FCRL5: variants seen among roughly 807,000 people sequenced by gnomAD.
FCRL5 encodes the protein Fc receptor like 5, also known as Fc receptor-like protein 5.
FCRL5 carries 79 observed loss-of-function variants against 92.1 expected under a neutral mutation model. The ratio of observed to expected loss-of-function variants is 0.86; its 90% CI spans 0.72 to 1.03. The LOEUF (loss-of-function observed/expected upper bound fraction) is 1.03. Among genes scored for constraint, FCRL5 ranks in the 50% least tolerant of loss-of-function variants. The pLI is 0.00. For synonymous variants in FCRL5, 466 were observed against 469.3 expected (o/e 0.99, Z 0.09); for missense variants, 1,160 against 1,181.1 (o/e 0.98, Z 0.26).
chr1:157,549,229 G>A (rs542845294), intron 2 of FCRL5, among the ~76,000 whole-genome samples: 1 of 139,928 alleles, frequency 7.1e-6, no homozygotes, highest in African/African-American at 2.7e-5. Flanking sequence ...GGTGGGAATT[G>A]AACAATGAGA....
Position 157,524,323 on chromosome 1 carries a change from C to T in FCRL5, c.2195G>A (p.Gly732Asp), listed in dbSNP as rs1650326298. ...CATCTCACTGCGCTGGGCCTCCAGA[C>T]CATTGTCTGCCTCACAGGAGTAGAT... ...SGIYSCEADN[G>D]LEAQRSEMVT... Residue 732 changes from glycine (G) to aspartate (D), a missense_variant, in exon 10 of 17, where the codon GGT (glycine) becomes GAT (aspartate). Physicochemically the swap from Gly to Asp is moderately conservative, Grantham distance 94. Transcript: ENST00000361835. 1 of 1,614,162 alleles carries T rather than the reference C, an allele frequency of 6.2e-7. No homozygotes were observed. Among genetic ancestry groups the T allele is most frequent in the African/African-American group, 1.3e-5 (1 of 74,954 alleles).
intron 8 of FCRL5, 181 bp from the exon 9 acceptor site, chr1:157,528,076 T>G: frequency 1.6e-6 from 1 of 615,066 alleles, no homozygotes; most frequent in Non-Finnish European, 2.5e-6. Flanking sequence ...CCCTAAAGAC[T>G]CATCCAAAAA....
chr1:157,534,478 G>C (rs953801614), intron 8 of FCRL5, 136 bp downstream of exon 8: 20 of 1,025,680 alleles, frequency 1.9e-5, no homozygotes, highest in African/African-American at 4.8e-5. Flanking sequence ...ACCCCAGCTA[G>C]TTAGTTGAGG....
intron 9 of FCRL5, among the ~76,000 whole-genome samples, chr1:157,525,648 C>T (rs72706335): frequency 0.031 from 4,671 of 152,170 alleles, 104 homozygotes; most frequent in Middle Eastern, 0.058. Context: ...CTGCAGTAGT[C>T]AAAATGATGG....
Position 157,524,690 on chromosome 1 carries a change from AT to A in FCRL5, c.1961-134del. 14 of 995,126 alleles carry A rather than the reference AT, an allele frequency of 1.4e-5. 1 individual carries two copies. In the South Asian group the frequency reaches 2.4e-4, roughly 17 times the overall value. The allele number at this position is 995,126 out of a possible 1,614,324, so 61.6% of individuals were successfully genotyped here. ...GTGACATTACTCAAAACTCAGCAAT[AT>A]TTTCAGATCTCCAGAAAGAACAACA... On this transcript the variant is annotated intron_variant, in intron 9 of 16. Transcript: ENST00000361835.
At chr1:157,521,320 G>A in intron 10 of FCRL5, 28 bp from the exon 11 acceptor site, 2 of 1,570,114 alleles carry the variant, frequency 1.3e-6, no homozygotes, top group Non-Finnish European at 1.7e-6. Context: ...GTCAACAGCA[G>A]TTTCTGCTTC....
At chr1:157,518,560 C>T (rs780054510) in intron 14 of FCRL5, 63 bp from the exon 15 acceptor site, 182 of 1,506,754 alleles carry the variant, frequency 1.2e-4, no homozygotes, top group Non-Finnish European at 1.6e-4. Flanking sequence ...GAGATACTTC[C>T]TCCTCCCCCA....
chr1:157,537,006 T>C (rs1255318629), intron 7 of FCRL5, among the ~76,000 whole-genome samples: 1 of 152,202 alleles, frequency 6.6e-6, no homozygotes, highest in Non-Finnish European at 1.5e-5. Flanking sequence ...CTTAATCCCA[T>C]CATTTTTGTA....
intron 9 of FCRL5, among the ~76,000 whole-genome samples, chr1:157,524,893 A>C (rs1192214313): frequency 2.0e-5 from 3 of 152,218 alleles, no homozygotes; most frequent in Admixed American, 2.0e-4. Context: ...TGCTGCTTAC[A>C]TCACCAGGGA....
chr1:157,534,505 G>A lies in FCRL5; in HGVS notation c.1681+109C>T, dbSNP rs765669790. The A allele has an allele frequency of 2.8e-5, 37 of 1,322,512 alleles. No homozygotes were observed. The African/African-American group carries it at 4.5e-4, about 16-fold the overall frequency. The allele number at this position is 1,322,512 out of a possible 1,614,324, so 81.9% of individuals were successfully genotyped here. A position where few individuals can be genotyped will look rare whatever the true frequency, so the allele number is the denominator to read the frequency against. On this transcript the variant is annotated intron_variant, in intron 8 of 16. Transcript: ENST00000361835. ...TAGTTGAGGAGGAAGCCAAGAAGGG[G>A]ATTAAGTTGATTAGGGGAGGAAACT...
At chr1:157,524,583 C>T in intron 9 of FCRL5, 26 bp from the exon 10 acceptor site, 1 of 1,545,750 alleles carries the variant, frequency 6.5e-7, no homozygotes, top group African/African-American at 1.4e-5. Flanking sequence ...CGTTATGTAT[C>T]AGCTGCTTCT....
At position 157,513,971 on chromosome 1, in the gene FCRL5, T is replaced by C. The variant is rs1187444013; in HGVS notation, c.*1704A>G. Reference sequence around the variant, plus strand: ...TATTTTAGTTGCATATCTGTAGTGATGACAAATGCCTCCAGCCTTGTCCTC... The same window carrying C: ...TATTTTAGTTGCATATCTGTAGTGACGACAAATGCCTCCAGCCTTGTCCTC... On this transcript the variant is annotated 3_prime_UTR_variant, in exon 17 of 17. Coordinates refer to ENST00000361835, the MANE Select transcript of FCRL5 (RefSeq NM_031281.3). 1 of 152,274 alleles carries C rather than the reference T, an allele frequency of 6.6e-6. No individual in the cohort carries two copies. Among genetic ancestry groups the C allele is most frequent in the Non-Finnish European group, 1.5e-5 (1 of 68,054 alleles). 9.4% of individuals were successfully genotyped at this position (152,274 alleles called of 1,614,324 possible).
In FCRL5 at chr1:157,545,065, C is replaced by T; in HGVS notation, c.325G>A (p.Ala109Thr). ...TCTCCTTCAAACACAGAAAGTGGAG[C>T]TTGCAGGATCAGCGAAGCTATGAGA... ...DFSSASLILQ[A>T]PLSVFEGDSV... is the part of the protein sequence containing the mutation. The change falls in exon 4 of 17, where the codon GCT becomes ACT. Residue 109 changes from alanine (A) to threonine (T), a missense_variant. Physicochemically the swap from Ala to Thr is moderately conservative, Grantham distance 58. Transcript: ENST00000361835. The T allele has an allele frequency of 1.9e-6, 3 of 1,612,554 alleles. No individual in the cohort carries two copies. Among genetic ancestry groups the T allele is most frequent in the Non-Finnish European group, 2.5e-6 (3 of 1,180,002 alleles).
At chr1:157,537,459 A>C (rs1651019466) in intron 7 of FCRL5, among the ~76,000 whole-genome samples, 1 of 152,188 alleles carries the variant, frequency 6.6e-6, no homozygotes, top group Admixed American at 6.5e-5. Flanking sequence ...TCTCCTGATA[A>C]GATGTTATCA....
rs1651413215 is a variant in FCRL5, at chr1:157,544,252, C to T, written c.844+10G>A. 1 of 1,612,020 alleles carries T rather than the reference C, an allele frequency of 6.2e-7. No homozygotes were observed. The highest frequency in any genetic ancestry group is 8.5e-7 in the Non-Finnish European group (1 of 1,178,148). On this transcript the variant is annotated intron_variant, in intron 5 of 16. Coordinates refer to ENST00000361835, the MANE Select transcript of FCRL5 (RefSeq NM_031281.3). ...CTCTGCAGCAAATCTCAGGTTCCAC[C>T]AACACTTACTCTGCACCTGTATCCA...
chr1:157,517,296 C>A (rs1649973128), intron 15 of FCRL5, among the ~76,000 whole-genome samples: 1 of 152,202 alleles, frequency 6.6e-6, no homozygotes, highest in South Asian at 2.1e-4. Context: ...TTAGTCCCCA[C>A]AGTTACCCCA....
At position 157,521,232 on chromosome 1, in the gene FCRL5, T is replaced by C. The variant is rs1650174736; in HGVS notation, c.2300A>G (p.Asp767Gly). ...RAPGTHAAVG[D>G]LLELHCEALR... ...GGCCTCACAGTGAAGCTCCAGCAGGTCCCCCACCGCAGCATGGGTCCCGGG... is the reference window on the plus strand; with the variant it reads ...GGCCTCACAGTGAAGCTCCAGCAGGCCCCCCACCGCAGCATGGGTCCCGGG... The change falls in exon 11 of 17, where the codon GAC becomes GGC. Residue 767 changes from aspartate to glycine, a missense_variant. Coordinates refer to ENST00000361835, the MANE Select transcript of FCRL5 (RefSeq NM_031281.3). 2 of 1,613,470 alleles carry C rather than the reference T, an allele frequency of 1.2e-6. No homozygotes were observed. The highest frequency in any genetic ancestry group is 1.3e-5 in the African/African-American group (1 of 74,838).
chr1:157,518,879 C>T (rs1486707842), intron 13 of FCRL5, 97 bp from the exon 14 acceptor site: 3 of 921,440 alleles, frequency 3.3e-6, no homozygotes, highest in Non-Finnish European at 4.9e-6. Flanking sequence ...AGGGTGGCTG[C>T]CAGGCCTGGA....
rs777183811 is a variant in FCRL5 at position 157,547,004 on chromosome 1, C to A, written c.246G>T (p.Glu82Asp). The change falls in exon 3 of 17, where the codon GAG becomes GAT. Residue 82 changes from glutamate (E) to aspartate (D), a missense_variant. Physicochemically the swap from Glu to Asp is conservative, Grantham distance 45. Transcript: ENST00000361835. ...GGGAGCCCTGGGCCTGGCATCTGTA[C>A]TCTCCAGATTCCTGAACCTCAAGGA... ...DNILEVQESG[E>D]YRCQAQGSPL... 6.2e-7 allele frequency: 1 copy of A among 1,614,126 alleles called. No homozygotes were observed.
Sources: gnomAD v4.1 joint callset for allele counts (sites outside exome capture counted in the v4.1 genomes callset) on GRCh38, gnomAD v4.1.1 for gene constraint, MANE v1.5 for transcripts, NCBI Gene and HGNC (gene_info 2026-07-23, HGNC 2026-07-21) for gene names.